The following ANGPTL8 variants were observed in gnomAD, a reference collection of about 807,000 sequenced individuals.
The protein encoded by ANGPTL8 is angiopoietin like 8.
Under a neutral mutation model 22.6 loss-of-function variants are expected in ANGPTL8, and 24 were observed. That is an observed-to-expected ratio of 1.06 (90% CI 0.77 to 1.49). The LOEUF (loss-of-function observed/expected upper bound fraction) is 1.49, where lower values mean the gene tolerates loss of function less well. Among genes scored for constraint, ANGPTL8 ranks in the 40% most tolerant of loss-of-function variants. The pLI, the probability that ANGPTL8 is intolerant of heterozygous loss-of-function variation, is 0.00. For missense variants in ANGPTL8, 230 were observed against 259.6 expected (o/e 0.89, Z 0.78); for synonymous variants, 88 against 113.4 (o/e 0.78, Z 1.42).
At position 11,241,736 on chromosome 19, in the gene ANGPTL8, C is replaced by T. The variant is rs575727474; in HGVS notation, c.*49C>T. On this transcript the variant is annotated 3_prime_UTR_variant, in exon 4 of 4. Coordinates refer to ENST00000252453, the MANE Select transcript of ANGPTL8 (RefSeq NM_018687.7). ...CCAATCATGCTGCAAGGAACACTTC[C>T]ACGCCCCGTGAGGCCCCTGTGCAGG... 1 of 1,561,210 alleles carries T rather than the reference C, an allele frequency of 6.4e-7. No individual in the cohort carries two copies. The highest frequency in any genetic ancestry group is 8.7e-7 in the Non-Finnish European group (1 of 1,153,108).
intron 1 of ANGPTL8, 84 bp from the exon 2 acceptor site, chr19:11,240,051 T>C (rs2079917554): frequency 1.3e-6 from 2 of 1,548,236 alleles, no homozygotes; most frequent in Non-Finnish European, 1.7e-6. Flanking sequence ...GGATACAAGA[T>C]TTTCAGCGAT....
In ANGPTL8 at chr19:11,241,784, A is replaced by G. The variant is rs1599267473; in HGVS notation, c.*97A>G. The G allele has an allele frequency of 6.5e-7, 1 of 1,534,144 alleles. No homozygotes were observed. Among genetic ancestry groups the G allele is most frequent in the Non-Finnish European group, 8.8e-7 (1 of 1,132,462 alleles). On this transcript the variant is annotated 3_prime_UTR_variant, in exon 4 of 4. Transcript: ENST00000252453. ...AGGGAGGAGCTGCCTGTTCACTGGG[A>G]TCAGCCAGGGCGCCGGGCCCCACTT... is the stretch of plus-strand genomic sequence containing the variant.
Position 11,241,861 on chromosome 19 carries a change from G to T in ANGPTL8, c.*174G>T. On this transcript the variant is annotated 3_prime_UTR_variant, in exon 4 of 4. Transcript: ENST00000252453. ...GGCGGGGACAAAGGCAGAGGATGTA[G>T]CCCCATTGGGGAGGGGTGGAGGAAG... 7.7e-7 allele frequency: 1 copy of T among 1,292,102 alleles called. No individual in the cohort carries two copies. Among genetic ancestry groups the T allele is most frequent in the Non-Finnish European group, 1.1e-6 (1 of 926,832 alleles). The allele number at this position is 1,292,102 out of a possible 1,614,324, so 80.0% of individuals were successfully genotyped here.
intron 2 of ANGPTL8, among the ~76,000 whole-genome samples, chr19:11,241,226 CAG>C (rs952360225): frequency 4.1e-5 from 6 of 146,644 alleles, no homozygotes; most frequent in African/African-American, 1.3e-4. Flanking sequence ...GCCTGGGTGA[CAG>C]AGAGAGACTC....
Position 11,240,219 on chromosome 19 carries a change from G to T in ANGPTL8, c.382G>T (p.Asp128Tyr). ...GGCCCAGGCACAGAAGGTGCTACGG[G>T]ACAGCGTGCAGCGGCTAGAAGTCCA... ...EVAQAQKVLR[D>Y]SVQRLEVQLR... Residue 128 changes from aspartate (D) to tyrosine (Y), a missense_variant, in exon 2 of 4, where the codon GAC becomes TAC. Physicochemically the swap from Asp to Tyr is radical, Grantham distance 160. Transcript: ENST00000252453. 1 of 1,569,658 alleles carries T rather than the reference G, an allele frequency of 6.4e-7. No homozygotes were observed. The highest frequency in any genetic ancestry group is 8.6e-7 in the Non-Finnish European group (1 of 1,157,460).
chr19:11,239,637 C>A lies in ANGPTL8; in HGVS notation c.-1C>A. 3.1e-6 allele frequency: 5 copies of A among 1,613,672 alleles called. No individual in the cohort carries two copies. Among genetic ancestry groups the A allele is most frequent in the Non-Finnish European group, 4.2e-6 (5 of 1,179,864 alleles). On this transcript the variant is annotated 5_prime_UTR_variant, in exon 1 of 4. Coordinates refer to ENST00000252453, the MANE Select transcript of ANGPTL8 (RefSeq NM_018687.7). ...TGTGGCTATACCTTAGACCCTCAGT[C>A]ATGCCAGTGCCTGCTCTGTGCCTGC...
chr19:11,241,607 G>A (rs952350168), intron 3 of ANGPTL8, 53 bp downstream of exon 3: 4 of 1,559,280 alleles, frequency 2.6e-6, no homozygotes, highest in Non-Finnish European at 3.5e-6. Flanking sequence ...GGGCGCACAG[G>A]GCAGCTGGAA....
intron 2 of ANGPTL8, 90 bp downstream of exon 2, chr19:11,240,386 T>C: frequency 7.5e-7 from 1 of 1,336,902 alleles, no homozygotes; most frequent in Admixed American, 2.9e-5. Flanking sequence ...ACCTCCCAGA[T>C]CAGCCTCCCA....
chr19:11,240,289 T>A lies in ANGPTL8; in HGVS notation c.452T>A (p.Val151Asp). 6.3e-7 allele frequency: 1 copy of A among 1,575,434 alleles called. No homozygotes were observed. Among genetic ancestry groups the A allele is most frequent in the Non-Finnish European group, 8.6e-7 (1 of 1,163,128 alleles). The change falls in exon 2 of 4, where the codon GTC becomes GAC. Residue 151 changes from valine (V) to aspartate (D), a missense_variant. Coordinates refer to ENST00000252453, the MANE Select transcript of ANGPTL8 (RefSeq NM_018687.7). ...GGCCCTGCCTACCGAGAATTTGAGG[T>A]CTTAAAGGTAAGGAGCTCCCCCAAC... ...WLGPAYREFE[V>D]LKAHADKQSH...
rs928239183 is a variant in ANGPTL8, at chr19:11,240,094, G to A, written c.298-41G>A. 4.5e-6 allele frequency: 7 copies of A among 1,550,722 alleles called. No homozygotes were observed. In the African/African-American group the frequency reaches 5.5e-5, roughly 12 times the overall value. Reference sequence around the variant, plus strand: ...GGCAAGTCCTTAGGTACACAAAGATGAGTTGGACATCCTACTAGTGACCCA... The same window carrying A: ...GGCAAGTCCTTAGGTACACAAAGATAAGTTGGACATCCTACTAGTGACCCA... On this transcript the variant is annotated intron_variant, in intron 1 of 3. Coordinates refer to ENST00000252453, the MANE Select transcript of ANGPTL8 (RefSeq NM_018687.7).
At chr19:11,240,582 C>CT (rs869249463) in intron 2 of ANGPTL8, among the ~76,000 whole-genome samples, 5,324 of 136,302 alleles carry the variant, frequency 0.039, 326 homozygotes, top group African/African-American at 0.12. Flanking sequence ...TCAATAAATT[C>CT]TTTTTTTTTT....
In ANGPTL8 at chr19:11,241,891, T is replaced by A; in HGVS notation, c.*204T>A. 8.0e-7 allele frequency: 1 copy of A among 1,256,566 alleles called. No homozygotes were observed. The highest frequency in any genetic ancestry group is 1.1e-6 in the Non-Finnish European group (1 of 900,428). The allele number at this position is 1,256,566 out of a possible 1,614,324, so 77.8% of individuals were successfully genotyped here. On this transcript the variant is annotated 3_prime_UTR_variant, in exon 4 of 4. Transcript: ENST00000252453. Reference sequence around the variant, plus strand: ...ATTGGGGAGGGGTGGAGGAAGGACATGTACCCTTTCATGCCTACACACCCC... The same window carrying A: ...ATTGGGGAGGGGTGGAGGAAGGACAAGTACCCTTTCATGCCTACACACCCC...
At chr19:11,241,170 T>C (rs1391868792) in intron 2 of ANGPTL8, among the ~76,000 whole-genome samples, 1 of 150,762 alleles carries the variant, frequency 6.6e-6, no homozygotes, top group East Asian at 2.0e-4. Context: ...CGCTTGAACC[T>C]GGGAGGTGGA....
In ANGPTL8 at chr19:11,239,714, G is replaced by A. The variant is rs987310947; in HGVS notation, c.77G>A (p.Gly26Asp). The A allele has an allele frequency of 7.4e-6, 12 of 1,613,440 alleles. No homozygotes were observed. Among genetic ancestry groups the A allele is most frequent in the African/African-American group, 5.3e-5 (4 of 74,932 alleles). ...CCTGCCTCAGCGGCCCCCATGGGCG[G>A]CCCAGAACTGGCACAGCATGAGGAG... Reference protein sequence around the residue: ...TRPASAAPMGGPELAQHEELT... With the variant: ...TRPASAAPMGDPELAQHEELT... The change falls in exon 1 of 4, where the codon GGC becomes GAC. Residue 26 changes from glycine (G) to aspartate (D), a missense_variant. By Grantham distance (94) the Gly-to-Asp change is moderately conservative. Transcript: ENST00000252453.
In ANGPTL8 at chr19:11,241,867, T is replaced by G; in HGVS notation, c.*180T>G. 1 of 1,272,132 alleles carries G rather than the reference T, an allele frequency of 7.9e-7. No homozygotes were observed. 78.8% of individuals were successfully genotyped at this position (1,272,132 alleles called of 1,614,324 possible). The stretch of plus-strand genomic sequence containing the variant: ...GACAAAGGCAGAGGATGTAGCCCCA[T>G]TGGGGAGGGGTGGAGGAAGGACATG... On this transcript the variant is annotated 3_prime_UTR_variant, in exon 4 of 4. Coordinates refer to ENST00000252453, the MANE Select transcript of ANGPTL8 (RefSeq NM_018687.7).
chr19:11,240,507 C>T (rs1167132526), intron 2 of ANGPTL8, among the ~76,000 whole-genome samples: 1 of 152,066 alleles, frequency 6.6e-6, no homozygotes, highest in African/African-American at 2.4e-5. Flanking sequence ...CCTGATATCT[C>T]ACAGTAGGGC....
At chr19:11,240,351 C>T (rs559460470) in intron 2 of ANGPTL8, 55 bp downstream of exon 2, 37 of 1,466,780 alleles carry the variant, frequency 2.5e-5, no homozygotes, top group Admixed American at 5.5e-5. Flanking sequence ...GGCCAGAACT[C>T]GCTTCTGCAC....
intron 2 of ANGPTL8, 70 bp downstream of exon 2, chr19:11,240,366 A>G: frequency 1.4e-6 from 2 of 1,433,716 alleles, no homozygotes; most frequent in East Asian, 5.0e-5. Flanking sequence ...CTGCACCTTG[A>G]GTCCCAAAGA....
Position 11,239,728 on chromosome 19 carries a change from C to G in ANGPTL8, c.91C>G (p.Gln31Glu), listed in dbSNP as rs1057171644. Residue 31 changes from glutamine (Q) to glutamate (E), a missense_variant, in exon 1 of 4, where the codon CAG (glutamine) becomes GAG (glutamate). Physicochemically the swap from Gln to Glu is conservative, Grantham distance 29. Coordinates refer to ENST00000252453, the MANE Select transcript of ANGPTL8 (RefSeq NM_018687.7). ...CCCCATGGGCGGCCCAGAACTGGCA[C>G]AGCATGAGGAGCTGACCCTGCTCTT... ...AAPMGGPELA[Q>E]HEELTLLFHG... 5.0e-6 allele frequency: 8 copies of G among 1,613,406 alleles called. No individual in the cohort carries two copies. Among genetic ancestry groups the G allele is most frequent in the Non-Finnish European group, 6.8e-6 (8 of 1,179,752 alleles).
Sources: allele counts gnomAD v4.1 joint callset (sites outside exome capture counted in the v4.1 genomes callset), GRCh38; gene constraint gnomAD v4.1.1; transcripts MANE v1.5; gene names NCBI Gene and HGNC (gene_info 2026-07-23, HGNC 2026-07-21).